ARL13B: variants seen among roughly 807,000 people sequenced by gnomAD.
The protein encoded by ARL13B is ARF like GTPase 13B.
ARL13B carries 36 observed loss-of-function variants against 56.1 expected under a neutral mutation model. That is an observed-to-expected ratio of 0.64 (90% CI 0.49 to 0.85). The LOEUF is 0.85. Among genes scored for constraint, ARL13B ranks in the 40% least tolerant of loss-of-function variants. The pLI is 0.00. For synonymous variants in ARL13B, 178 were observed against 171.1 expected (o/e 1.04, Z -0.32); for missense variants, 519 against 507.1 (o/e 1.02, Z -0.23).
At chr3:94,045,768 G>A (rs1338590695) in intron 7 of ARL13B, among the ~76,000 whole-genome samples, 1 of 151,562 alleles carries the variant, frequency 6.6e-6, no homozygotes, top group Non-Finnish European at 1.5e-5. Context: ...CGAGACCACA[G>A]TAGAGACCCC....
intron 1 of ARL13B, chr3:93,988,605 A>C (rs1415581106): frequency 2.2e-6 from 1 of 462,246 alleles, no homozygotes; most frequent in Non-Finnish European, 4.3e-6. Flanking sequence ...GGAGACAGGG[A>C]CTACTGATAA....
At chr3:94,029,301 CATATATATATATATAT>C (rs1242349606) in intron 3 of ARL13B, among the ~76,000 whole-genome samples, 24 of 77,212 alleles carry the variant, frequency 3.1e-4, no homozygotes, top group Admixed American at 1.4e-3. Context: ...CTATCAAAAT[CATATATATATATATAT>C]ATATATATAT....
At chr3:93,995,597 C>G (rs1466313451) in intron 1 of ARL13B, among the ~76,000 whole-genome samples, 1 of 152,128 alleles carries the variant, frequency 6.6e-6, no homozygotes, top group Non-Finnish European at 1.5e-5. Context: ...CCCTTTCCAT[C>G]TTCCTTCTTT....
Position 93,980,372 on chromosome 3 carries a change from G to A in ARL13B, c.-52G>A, listed in dbSNP as rs761381803. 3 of 1,603,936 alleles carry A rather than the reference G, an allele frequency of 1.9e-6. No individual in the cohort carries two copies. Among genetic ancestry groups the A allele is most frequent in the Non-Finnish European group, 1.7e-6 (2 of 1,176,750 alleles). ...GGAGGCCCCCGGGGAAGAGCGGGGT[G>A]CCGGTGTCCGCTCCGGGCTCGGATG... On this transcript the variant is annotated 5_prime_UTR_variant, in exon 1 of 10. Transcript: ENST00000394222.
chr3:94,049,514 C>G lies in ARL13B; in HGVS notation c.1133C>G (p.Pro378Arg). Residue 378 changes from proline (P) to arginine (R), a missense_variant, in exon 8 of 10, where the codon CCT becomes CGT. Transcript: ENST00000394222. ...GAGAGTCCAACGCCACCCCCACCCC[C>G]TCCTCCTGGTGAGTAAATTGATACT... ...APESPTPPPP[P>R]PPVGWGTPKV... The G allele has an allele frequency of 6.3e-7, 1 of 1,598,404 alleles. No individual in the cohort carries two copies. Among genetic ancestry groups the G allele is most frequent in the African/African-American group, 1.3e-5 (1 of 74,416 alleles).
intron 3 of ARL13B, among the ~76,000 whole-genome samples, chr3:94,010,054 G>A (rs183628791): frequency 3.3e-5 from 5 of 152,226 alleles, no homozygotes; most frequent in African/African-American, 1.2e-4. Flanking sequence ...GGTGAGACCA[G>A]ATATACTTTG....
intron 3 of ARL13B, among the ~76,000 whole-genome samples, chr3:94,012,713 T>C (rs761158293): frequency 6.6e-6 from 1 of 152,204 alleles, no homozygotes; most frequent in Non-Finnish European, 1.5e-5. Context: ...TTTATTCCTC[T>C]TTGATATTAC....
Position 94,035,444 on chromosome 3 carries a change from T to G in ARL13B, c.486+8T>G, listed in dbSNP as rs750515411. ...AAGTGCCTGTGTCAGATAGTAAGGT[T>G]TTTTTTTTTTTTTTAATTTTAATTT... On this transcript the variant is annotated splice_region_variant and intron_variant, in intron 4 of 9. Transcript: ENST00000394222. 7.9e-6 allele frequency: 11 copies of G among 1,384,520 alleles called. No homozygotes were observed. The highest frequency in any genetic ancestry group is 2.2e-5 in the Admixed American group (1 of 45,998). 85.8% of individuals were successfully genotyped at this position (1,384,520 alleles called of 1,614,324 possible). A position where few individuals can be genotyped will look rare whatever the true frequency, so the allele number is the denominator to read the frequency against.
intron 8 of ARL13B, 54 bp downstream of exon 8, chr3:94,049,576 GA>G (rs879141969): frequency 0.04 from 29,697 of 738,326 alleles, 7 homozygotes; most frequent in South Asian, 0.062. Context: ...AAACAACAGA[GA>G]AAAAAAAAAA....
At chr3:93,985,199 C>T (rs958039259) in intron 1 of ARL13B, among the ~76,000 whole-genome samples, 9 of 151,960 alleles carry the variant, frequency 5.9e-5, no homozygotes, top group African/African-American at 1.9e-4. Flanking sequence ...ATCTATTTAG[C>T]TTATAGGGAG....
chr3:93,985,383 C>G (rs931412624), intron 1 of ARL13B, among the ~76,000 whole-genome samples: 1 of 151,904 alleles, frequency 6.6e-6, no homozygotes, highest in Non-Finnish European at 1.5e-5. Context: ...ATATAATGAT[C>G]GAATATGCAA....
At chr3:94,027,160 A>C (rs961173063) in intron 3 of ARL13B, among the ~76,000 whole-genome samples, 7 of 152,028 alleles carry the variant, frequency 4.6e-5, no homozygotes, top group Non-Finnish European at 8.8e-5. Flanking sequence ...CCAAGAGAAA[A>C]CAGAATATTC....
At chr3:93,992,093 A>C (rs756781656) in intron 1 of ARL13B, among the ~76,000 whole-genome samples, 3 of 152,294 alleles carry the variant, frequency 2.0e-5, no homozygotes, top group Non-Finnish European at 4.4e-5. Context: ...CCTATAAATA[A>C]AGACAGACTC....
chr3:93,987,838 G>T (rs1710544010), intron 1 of ARL13B, among the ~76,000 whole-genome samples: 1 of 151,628 alleles, frequency 6.6e-6, no homozygotes, highest in Admixed American at 6.6e-5. Flanking sequence ...TAGAGACAAG[G>T]TCTCACCATG....
Position 93,987,789 on chromosome 3 carries a change from G to A in ARL13B, c.59+7307G>A, listed in dbSNP as rs550322715. On this transcript the variant is annotated intron_variant, in intron 1 of 9. Coordinates refer to ENST00000394222, the MANE Select transcript of ARL13B (RefSeq NM_001174150.2). ...TCAGCCTCCCAAGTAACTGGGAGGT[G>A]CATGCCACGATGCCTGGCTAATTTT... Among the ~76,000 whole-genome samples, 4 of 151,986 alleles carry A rather than the reference G, an allele frequency of 2.6e-5. No homozygotes were observed. The South Asian group carries it at 8.3e-4, about 32-fold the overall frequency.
At chr3:94,021,369 A>G (rs1240419249) in intron 3 of ARL13B, among the ~76,000 whole-genome samples, 2 of 151,582 alleles carry the variant, frequency 1.3e-5, no homozygotes, top group East Asian at 3.9e-4. Flanking sequence ...TAATTTTTGT[A>G]TTTCTGGTAG....
intron 3 of ARL13B, among the ~76,000 whole-genome samples, chr3:94,019,589 C>T (rs1467762098): frequency 6.6e-6 from 1 of 151,716 alleles, no homozygotes; most frequent in African/African-American, 2.4e-5. Flanking sequence ...ATCCTGCCCC[C>T]ACCACAAAAC....
At chr3:93,982,388 T>A (rs1302178523) in intron 1 of ARL13B, among the ~76,000 whole-genome samples, 1 of 152,264 alleles carries the variant, frequency 6.6e-6, no homozygotes, top group Non-Finnish European at 1.5e-5. Context: ...TGTTGAGCAC[T>A]TGAAATGTGG....
chr3:94,044,683 G>A (rs1211549537), intron 7 of ARL13B, among the ~76,000 whole-genome samples: 12 of 141,768 alleles, frequency 8.5e-5, no homozygotes, highest in South Asian at 2.3e-4. Flanking sequence ...GCCTCTGCCC[G>A]GCTGCCCATC....
Sources: allele counts gnomAD v4.1 joint callset (sites outside exome capture counted in the v4.1 genomes callset), GRCh38; gene constraint gnomAD v4.1.1; transcripts MANE v1.5; gene names NCBI Gene and HGNC (gene_info 2026-07-23, HGNC 2026-07-21).